Variants in C1QTNF3 observed in about 807,000 individuals in gnomAD.
C1QTNF3 encodes the protein complement C1q tumor necrosis factor-related protein 3.
In C1QTNF3, 26 loss-of-function variants were observed where a neutral mutation model predicts 32.6. The observed-to-expected ratio is 0.80, with a 90% confidence interval of 0.58 to 1.11. The LOEUF (loss-of-function observed/expected upper bound fraction) is 1.11. Among genes scored for constraint, C1QTNF3 ranks in the 50% least tolerant of loss-of-function variants. C1QTNF3 has a pLI of 0.00. For missense variants in C1QTNF3, 362 were observed against 398.2 expected (o/e 0.91, Z 0.77); for synonymous variants, 155 against 146.0 (o/e 1.06, Z -0.44).
chr5:34,110,753 G>A, the C1QTNF3 span, among the ~76,000 whole-genome samples: 1 of 151,744 alleles, frequency 6.6e-6, no homozygotes, highest in Non-Finnish European at 1.5e-5. Context: ...CTTTCTCTCT[G>A]AAAAAATTTG....
At chr5:34,141,951 C>T in the C1QTNF3 span, among the ~76,000 whole-genome samples, 1 of 151,878 alleles carries the variant, frequency 6.6e-6, no homozygotes, top group Non-Finnish European at 1.5e-5. Flanking sequence ...TTGGGAGTGC[C>T]GAGCCAAGAT....
At chr5:34,083,468 C>T in the C1QTNF3 span, among the ~76,000 whole-genome samples, 2 of 148,562 alleles carry the variant, frequency 1.3e-5, no homozygotes, top group Non-Finnish European at 3.0e-5. Context: ...AAATTGGATA[C>T]AGTTTGTAAT....
At chr5:34,132,447 A>G in the C1QTNF3 span, among the ~76,000 whole-genome samples, 1 of 31,414 alleles carries the variant, frequency 3.2e-5, no homozygotes, top group Non-Finnish European at 1.1e-4. Context: ...ATATATATAT[A>G]TATATATATA....
At chr5:34,140,670 G>A in the C1QTNF3 span, among the ~76,000 whole-genome samples, 1 of 152,146 alleles carries the variant, frequency 6.6e-6, no homozygotes, top group Non-Finnish European at 1.5e-5. Flanking sequence ...TTTTGAAGAG[G>A]TGGTAAAATT....
the C1QTNF3 span, among the ~76,000 whole-genome samples, chr5:34,240,117 T>C: frequency 6.6e-5 from 10 of 151,220 alleles, no homozygotes; most frequent in East Asian, 1.8e-3. Flanking sequence ...TACCAAAATC[T>C]CTGGGATGCA....
chr5:34,098,525 C>T, the C1QTNF3 span, among the ~76,000 whole-genome samples: 49 of 151,866 alleles, frequency 3.2e-4, no homozygotes, highest in Non-Finnish European at 6.1e-4. Flanking sequence ...CTCAGAAATG[C>T]GCTGAGTTAT....
the C1QTNF3 span, among the ~76,000 whole-genome samples, chr5:34,080,166 T>C: frequency 6.6e-6 from 1 of 151,770 alleles, no homozygotes; most frequent in Non-Finnish European, 1.5e-5. Flanking sequence ...AAATGCTACT[T>C]TCATTAATAA....
At chr5:34,195,697 C>T in the C1QTNF3 span, among the ~76,000 whole-genome samples, 2 of 152,198 alleles carry the variant, frequency 1.3e-5, no homozygotes, top group Admixed American at 6.5e-5. Flanking sequence ...AAAAATTAGC[C>T]GGGCGCAGTG....
At chr5:34,055,212 G>C in the C1QTNF3 span, among the ~76,000 whole-genome samples, 1 of 152,150 alleles carries the variant, frequency 6.6e-6, no homozygotes, top group Non-Finnish European at 1.5e-5. Flanking sequence ...TTTGTTCTTT[G>C]TCATTTATTC....
At chr5:34,197,652 T>TA in the C1QTNF3 span, among the ~76,000 whole-genome samples, 1 of 152,070 alleles carries the variant, frequency 6.6e-6, no homozygotes, top group African/African-American at 2.4e-5. Flanking sequence ...CTCTCATGAG[T>TA]AAAGGTTGCT....
the C1QTNF3 span, among the ~76,000 whole-genome samples, chr5:34,137,110 A>G: frequency 6.6e-6 from 1 of 150,720 alleles, no homozygotes. Context: ...TCAAACTTCC[A>G]CGTTGTGCAC....
chr5:34,119,741 C>T, the C1QTNF3 span, among the ~76,000 whole-genome samples: 2 of 152,152 alleles, frequency 1.3e-5, no homozygotes, highest in South Asian at 2.1e-4. Flanking sequence ...AAACCAGCTA[C>T]GGACAGTTGA....
At chr5:34,116,726 C>T in the C1QTNF3 span, among the ~76,000 whole-genome samples, 3 of 151,546 alleles carry the variant, frequency 2.0e-5, no homozygotes, top group East Asian at 5.8e-4. Flanking sequence ...TCCTGAGTAG[C>T]TGGGATTACA....
At chr5:34,174,076 G>A in the C1QTNF3 span, among the ~76,000 whole-genome samples, 5 of 152,142 alleles carry the variant, frequency 3.3e-5, no homozygotes, top group Non-Finnish European at 7.4e-5. Flanking sequence ...AACATATCTT[G>A]AGCCACCACC....
chr5:34,092,157 T>C, the C1QTNF3 span, among the ~76,000 whole-genome samples: 4 of 152,058 alleles, frequency 2.6e-5, no homozygotes, highest in African/African-American at 7.2e-5. Flanking sequence ...ATCTGTCTTA[T>C]AGATATATTA....
chr5:34,111,021 T>C, the C1QTNF3 span, among the ~76,000 whole-genome samples: 1 of 152,224 alleles, frequency 6.6e-6, no homozygotes, highest in African/African-American at 2.4e-5. Flanking sequence ...GAAATAATTA[T>C]GAAACCTATT....
At chr5:34,075,157 A>G in the C1QTNF3 span, among the ~76,000 whole-genome samples, 479 of 151,906 alleles carry the variant, frequency 3.2e-3, 20 homozygotes, top group African/African-American at 0.011. Flanking sequence ...CCTTTTAAAC[A>G]AAAAATACCT....
At chr5:34,166,262 G>A in the C1QTNF3 span, 1 of 151,896 alleles carries the variant, frequency 6.6e-6, no homozygotes, top group Non-Finnish European at 1.5e-5. Flanking sequence ...TTAATGCTGA[G>A]TGCAAAATTG....
chr5:34,061,346 C>T, the C1QTNF3 span, among the ~76,000 whole-genome samples: 9 of 152,146 alleles, frequency 5.9e-5, no homozygotes, highest in Non-Finnish European at 8.8e-5. Flanking sequence ...TGCAAGCTGT[C>T]AGTGAATCTA....
Sources: allele counts gnomAD v4.1 joint callset (sites outside exome capture counted in the v4.1 genomes callset), GRCh38; gene constraint gnomAD v4.1.1; transcripts MANE v1.5; gene names NCBI Gene and HGNC (gene_info 2026-07-23, HGNC 2026-07-21).